TRPC4: variants seen among roughly 807,000 people sequenced by gnomAD.
The protein encoded by TRPC4 is short transient receptor potential channel 4.
In TRPC4, 49 loss-of-function variants were observed where a neutral mutation model predicts 99.4. The ratio of observed to expected loss-of-function variants is 0.49; its 90% CI spans 0.39 to 0.63. TRPC4 has a LOEUF of 0.63. Ranked by LOEUF, TRPC4 falls within the 20% of genes least tolerant of loss-of-function variation. The pLI is 0.00. For missense variants in TRPC4, 898 were observed against 1,152.9 expected (o/e 0.78, Z 3.20); for synonymous variants, 454 against 425.9 (o/e 1.07, Z -0.81).
At chr13:37,761,615 G>A (rs1199660414) in intron 2 of TRPC4, among the ~76,000 whole-genome samples, 1 of 151,860 alleles carries the variant, frequency 6.6e-6, no homozygotes, top group African/African-American at 2.4e-5. Context: ...CCTTCTCAAA[G>A]TTAGTTCCCA....
chr13:37,824,447 A>G (rs1467167698), intron 1 of TRPC4, among the ~76,000 whole-genome samples: 2 of 152,060 alleles, frequency 1.3e-5, no homozygotes, highest in Non-Finnish European at 2.9e-5. Flanking sequence ...AATACTTCCC[A>G]TCAATACCTA....
At chr13:37,727,257 G>A (rs1476322970) in intron 3 of TRPC4, among the ~76,000 whole-genome samples, 2 of 152,138 alleles carry the variant, frequency 1.3e-5, no homozygotes, top group African/African-American at 4.8e-5. Flanking sequence ...AGAGGATGAA[G>A]TTGGAAGTCA....
intron 1 of TRPC4, among the ~76,000 whole-genome samples, chr13:37,867,781 A>G (rs548703207): frequency 1.3e-5 from 2 of 152,248 alleles, no homozygotes; most frequent in African/African-American, 4.8e-5. Context: ...TTCCTTACCA[A>G]TTAAAATGAT....
chr13:37,862,579 C>T (rs1318711144), intron 1 of TRPC4, among the ~76,000 whole-genome samples: 1 of 151,488 alleles, frequency 6.6e-6, no homozygotes, highest in Non-Finnish European at 1.5e-5. Flanking sequence ...AGACTCTACT[C>T]ATTGTAATAT....
intron 1 of TRPC4, among the ~76,000 whole-genome samples, chr13:37,852,518 G>C (rs1248834431): frequency 1.3e-5 from 2 of 152,202 alleles, no homozygotes; most frequent in African/African-American, 2.4e-5. Context: ...GCTGGCTTCA[G>C]ATGTGACCCA....
chr13:37,756,258 AGATGAATG>A (rs149938072), intron 2 of TRPC4, among the ~76,000 whole-genome samples: 1 of 151,418 alleles, frequency 6.6e-6, no homozygotes, highest in Non-Finnish European at 1.5e-5. Flanking sequence ...AGAAATCTAT[AGATGAATG>A]GATGAATGGA....
intron 1 of TRPC4, among the ~76,000 whole-genome samples, chr13:37,800,877 A>G (rs1416957414): frequency 1.3e-5 from 2 of 151,950 alleles, no homozygotes; most frequent in Non-Finnish European, 2.9e-5. Flanking sequence ...GTCCCACAAG[A>G]GTATTTCCCT....
chr13:37,851,989 A>G (rs916220432), intron 1 of TRPC4, among the ~76,000 whole-genome samples: 36 of 152,184 alleles, frequency 2.4e-4, no homozygotes, highest in Non-Finnish European at 5.9e-5. Context: ...GTCAGAACTC[A>G]AGTTTCTGGA....
chr13:37,637,683 T>A, intron 10 of TRPC4, 58 bp from the exon 11 acceptor site: 1 of 1,488,936 alleles, frequency 6.7e-7, no homozygotes, highest in Non-Finnish European at 9.0e-7. Context: ...GAAACATCAT[T>A]TTCTCGTCTC....
At chr13:37,839,039 GAATT>G (rs1364058780) in intron 1 of TRPC4, among the ~76,000 whole-genome samples, 1 of 152,094 alleles carries the variant, frequency 6.6e-6, no homozygotes, top group African/African-American at 2.4e-5. Context: ...GTTAGTCTGA[GAATT>G]AAATAATATT....
intron 3 of TRPC4, among the ~76,000 whole-genome samples, chr13:37,698,165 A>C (rs1953980755): frequency 5.7e-4 from 1 of 1,760 alleles, no homozygotes; most frequent in South Asian, 0.029. Context: ...CCAAGGACTA[A>C]CCTTTTTTTT....
intron 1 of TRPC4, among the ~76,000 whole-genome samples, chr13:37,807,386 C>T (rs1957552620): frequency 1.3e-5 from 2 of 151,976 alleles, no homozygotes; most frequent in Non-Finnish European, 2.9e-5. Flanking sequence ...TCAGAATTCA[C>T]TTTTAGCCTC....
intron 3 of TRPC4, among the ~76,000 whole-genome samples, chr13:37,724,992 G>A (rs1399920579): frequency 1.3e-5 from 2 of 152,068 alleles, no homozygotes; most frequent in African/African-American, 4.8e-5. Flanking sequence ...TGTCTTGAAG[G>A]TGCTTAAAGA....
At chr13:37,703,057 A>G (rs1739420278) in intron 3 of TRPC4, among the ~76,000 whole-genome samples, 1 of 152,154 alleles carries the variant, frequency 6.6e-6, no homozygotes, top group Non-Finnish European at 1.5e-5. Context: ...AATTCCAGGG[A>G]TGCAGGAGAA....
chr13:37,654,952 T>G, intron 7 of TRPC4, 136 bp downstream of exon 7: 1 of 671,018 alleles, frequency 1.5e-6, no homozygotes, highest in Non-Finnish European at 2.2e-6. Flanking sequence ...AATTTCAAAT[T>G]AACCATTTAT....
At chr13:37,710,430 T>C (rs939697234) in intron 3 of TRPC4, among the ~76,000 whole-genome samples, 2 of 151,928 alleles carry the variant, frequency 1.3e-5, no homozygotes, top group Non-Finnish European at 1.5e-5. Flanking sequence ...AAGAGTTGTT[T>C]ATTTAAATTT....
At chr13:37,783,943 A>G (rs910865751) in intron 1 of TRPC4, among the ~76,000 whole-genome samples, 4 of 151,942 alleles carry the variant, frequency 2.6e-5, no homozygotes, top group Non-Finnish European at 4.4e-5. Flanking sequence ...CCTGGGCTCA[A>G]GAGATCCACC....
At chr13:37,764,475 T>TTATC (rs55927073) in intron 2 of TRPC4, among the ~76,000 whole-genome samples, 15,099 of 151,278 alleles carry the variant, frequency 0.1, 1,097 homozygotes, top group African/African-American at 0.21. Context: ...TTACAATAAT[T>TTATC]TGTAGATGAT....
At chr13:37,845,796 C>A (rs756565851) in intron 1 of TRPC4, among the ~76,000 whole-genome samples, 2 of 152,052 alleles carry the variant, frequency 1.3e-5, no homozygotes, top group Non-Finnish European at 2.9e-5. Context: ...GGAAAGACAA[C>A]AACATCCAGG....
Sources: allele counts gnomAD v4.1 joint callset (sites outside exome capture counted in the v4.1 genomes callset), GRCh38; gene constraint gnomAD v4.1.1; transcripts MANE v1.5; gene names NCBI Gene and HGNC (gene_info 2026-07-23, HGNC 2026-07-21).